Variants in NDRG2 observed in about 807,000 individuals in gnomAD.
NDRG2 encodes protein NDRG2.
In NDRG2, 34 loss-of-function variants were observed where a neutral mutation model predicts 58.2. The observed-to-expected ratio is 0.58, with a 90% CI of 0.44 to 0.78. The LOEUF (loss-of-function observed/expected upper bound fraction) is 0.78. Ranked by LOEUF, NDRG2 falls within the 30% of genes least tolerant of loss-of-function variation. The pLI is 0.00. For missense variants in NDRG2, 434 were observed against 471.2 expected (o/e 0.92, Z 0.73); for synonymous variants, 187 against 175.9 (o/e 1.06, Z -0.50).
At chr14:21,039,180 C>A (rs1342942011) in intron 1 of NDRG2, among the ~76,000 whole-genome samples, 1 of 152,160 alleles carries the variant, frequency 6.6e-6, no homozygotes, top group African/African-American at 2.4e-5. Context: ...CCTTCACTCC[C>A]TCCCAGCACA....
At position 21,017,995 on chromosome 14, in the gene NDRG2, AT is replaced by A; in HGVS notation, c.940del (p.Met314TrpfsTer9). ...CTTGTCCCGATACTCACTGTAGCCC[AT>A]GCCTTGCAGGAAGTACTTGAAGGCC... ...TEAFKYFLQG[M>X]GYMASSCMTR... On this transcript the variant is annotated frameshift_variant, in exon 15 of 16. Coordinates refer to ENST00000556147, the MANE Select transcript of NDRG2 (RefSeq NM_001320329.2). LOFTEE classifies it high-confidence loss of function. The A allele has an allele frequency of 6.2e-7, 1 of 1,614,208 alleles. No homozygotes were observed. The highest frequency in any genetic ancestry group is 8.5e-7 in the Non-Finnish European group (1 of 1,180,034).
At position 21,040,085 on chromosome 14, in the gene NDRG2, T is replaced by C. The variant is rs1958403; in HGVS notation, c.25-16764A>G. Among the ~76,000 whole-genome samples, 1,200 of 152,296 alleles carry C rather than the reference T, an allele frequency of 7.9e-3. 12 individuals carry two copies. The highest frequency in any genetic ancestry group is 0.028 in the African/African-American group (1,165 of 41,552). On this transcript the variant is annotated intron_variant, in intron 1 of 14. Transcript: ENST00000403829. Reference sequence around the variant, plus strand: ...GGTTTAAACCGTGGATTTTATCTCCTAACATTCATGTTTCTACGGCAGCAG... The same window carrying C: ...GGTTTAAACCGTGGATTTTATCTCCCAACATTCATGTTTCTACGGCAGCAG...
chr14:21,020,719 A>G, intron 7 of NDRG2, 65 bp downstream of exon 7: 1 of 1,605,442 alleles, frequency 6.2e-7, no homozygotes, highest in Non-Finnish European at 8.5e-7. Flanking sequence ...AACAGCACTA[A>G]TAAACAGTAT....
intron 1 of NDRG2, among the ~76,000 whole-genome samples, chr14:21,044,504 C>T (rs892158149): frequency 1.3e-5 from 2 of 152,208 alleles, no homozygotes; most frequent in Non-Finnish European, 2.9e-5. Context: ...AGCTTCCTTC[C>T]TCCTGATAAT....
intron 1 of NDRG2, among the ~76,000 whole-genome samples, chr14:21,062,237 C>T (rs545454192): frequency 2.0e-5 from 3 of 152,286 alleles, no homozygotes; most frequent in African/African-American, 7.2e-5. Flanking sequence ...GATTCATGTT[C>T]TATGATATTT....
Position 21,070,767 on chromosome 14 carries a change from T to G in NDRG2, c.24+61A>C. Reference sequence around the variant, plus strand: ...GAGCTCCTTACCCGCGGGAGACCCCTGCGGGTTGGTCCTGCAGCGACCCTG... The same window carrying G: ...GAGCTCCTTACCCGCGGGAGACCCCGGCGGGTTGGTCCTGCAGCGACCCTG... On this transcript the variant is annotated intron_variant, in intron 1 of 14. Coordinates refer to the NDRG2 transcript ENST00000403829. The surrounding 1 kb of genome is among the most constrained non-coding windows in gnomAD (Gnocchi z 4.7). 6.6e-7 allele frequency: 1 copy of G among 1,516,088 alleles called. No individual in the cohort carries two copies. Among genetic ancestry groups the G allele is most frequent in the South Asian group, 1.2e-5 (1 of 83,646 alleles). 93.9% of individuals were successfully genotyped at this position (1,516,088 alleles called of 1,614,324 possible).
intron 1 of NDRG2, among the ~76,000 whole-genome samples, chr14:21,051,577 C>T (rs918718011): frequency 2.0e-5 from 3 of 151,934 alleles, no homozygotes; most frequent in Non-Finnish European, 2.9e-5. Flanking sequence ...ACAGTCCTCC[C>T]GCAGAGACAA....
chr14:21,057,795 A>C (rs1303220840), intron 1 of NDRG2: 8 of 1,025,314 alleles, frequency 7.8e-6, no homozygotes, highest in Non-Finnish European at 1.1e-5. Context: ...TAACTGGCTT[A>C]GGGTATGAAA....
At chr14:21,035,430 C>G (rs906793981) in intron 1 of NDRG2, among the ~76,000 whole-genome samples, 1 of 152,214 alleles carries the variant, frequency 6.6e-6, no homozygotes, top group Non-Finnish European at 1.5e-5. Flanking sequence ...TCTTTTTCAT[C>G]AACATCTTCC....
At chr14:21,043,022 C>G (rs1393193197) in intron 1 of NDRG2, 1 of 1,614,108 alleles carries the variant, frequency 6.2e-7, no homozygotes, top group Non-Finnish European at 8.5e-7. Context: ...GATTCTGCCC[C>G]CTTCTGCTGC....
chr14:21,035,985 A>G, intron 1 of NDRG2: 1 of 384,212 alleles, frequency 2.6e-6, no homozygotes, highest in South Asian at 1.9e-5. Context: ...AACCACTGAA[A>G]GCTTCCTTGT....
intron 1 of NDRG2, among the ~76,000 whole-genome samples, chr14:21,063,504 G>A (rs1450400111): frequency 6.6e-6 from 1 of 152,170 alleles, no homozygotes; most frequent in Non-Finnish European, 1.5e-5. Context: ...GTTCAACATG[G>A]GCAGAGACCT....
Position 21,021,748 on chromosome 14 carries a change from TG to T in NDRG2, c.407+68del. The T allele has an allele frequency of 7.2e-6, 11 of 1,524,108 alleles. No homozygotes were observed. The South Asian group carries it at 1.2e-4, about 16-fold the overall frequency. 94.4% of individuals were successfully genotyped at this position (1,524,108 alleles called of 1,614,324 possible). A position where few individuals can be genotyped will look rare whatever the true frequency, so the allele number is the denominator to read the frequency against. ...ACTGGCTCAGGAACCACGGTGAACC[TG>T]GAAGTTCTAAGGGTCTCCTTGTGCT... is the stretch of plus-strand genomic sequence containing the variant. On this transcript the variant is annotated intron_variant, in intron 6 of 15. Coordinates refer to ENST00000556147, the MANE Select transcript of NDRG2 (RefSeq NM_001320329.2).
At chr14:21,031,779 G>A in intron 1 of NDRG2, 2 of 1,233,370 alleles carry the variant, frequency 1.6e-6, no homozygotes, top group South Asian at 1.5e-5. Flanking sequence ...CCCCATGCCA[G>A]TGGCAGAGCA....
At chr14:21,021,320 G>A (rs1282777569) in intron 6 of NDRG2, 1 of 352,420 alleles carries the variant, frequency 2.8e-6, no homozygotes. Flanking sequence ...CTGAGCCCTG[G>A]TGCCTAGGAG....
intron 1 of NDRG2, chr14:21,023,526 G>A: frequency 1.7e-6 from 1 of 579,694 alleles, no homozygotes; most frequent in Admixed American, 3.0e-5. Context: ...GAGGAATCAG[G>A]ACAGCCCTTC....
At chr14:21,060,004 G>A (rs1351888190) in intron 1 of NDRG2, among the ~76,000 whole-genome samples, 2 of 151,944 alleles carry the variant, frequency 1.3e-5, no homozygotes, top group East Asian at 3.9e-4. Flanking sequence ...TAGTCACAAC[G>A]TGCACCTGTG....
chr14:21,034,914 A>G (rs1884518307), intron 1 of NDRG2: 1 of 152,354 alleles, frequency 6.6e-6, no homozygotes, highest in Admixed American at 6.5e-5. Flanking sequence ...CTTACTTCCA[A>G]TCTCCTTGCC....
chr14:21,023,814 TA>T, intron 1 of NDRG2: 1 of 311,038 alleles, frequency 3.2e-6, no homozygotes, highest in Non-Finnish European at 4.7e-6. Context: ...CAAAGGGGGC[TA>T]AAAATGACCA....
Sources: allele counts gnomAD v4.1 joint callset (sites outside exome capture counted in the v4.1 genomes callset), GRCh38; gene constraint gnomAD v4.1.1; non-coding constraint Gnocchi (gnomAD v3.1); transcripts MANE v1.5; gene names NCBI Gene and HGNC (gene_info 2026-07-23, HGNC 2026-07-21).